EVL: variants seen among roughly 807,000 people sequenced by gnomAD.
EVL encodes ena/VASP-like protein.
A neutral mutation model predicts 59.6 loss-of-function variants in EVL; 21 were observed. That is an observed-to-expected ratio of 0.35 (90% CI 0.25 to 0.51). The LOEUF is 0.51. EVL is among the 20% of genes least tolerant of loss of function. EVL has a pLI of 0.97. For synonymous variants in EVL, 198 were observed against 203.5 expected, an observed-to-expected ratio of 0.97 and a Z score of 0.23; for missense variants, 462 against 546.6, an observed-to-expected ratio of 0.85 and a Z score of 1.54.
At chr14:100,040,203 G>C (rs2061447543) in intron 1 of EVL, among the ~76,000 whole-genome samples, 1 of 152,170 alleles carries the variant, frequency 6.6e-6, no homozygotes, top group African/African-American at 2.4e-5. Flanking sequence ...CCTTACTACA[G>C]ATTTTTACCA....
chr14:100,123,719 A>G (rs769070336), intron 4 of EVL, 117 bp downstream of exon 4: 8 of 1,039,550 alleles, frequency 7.7e-6, no homozygotes, highest in Non-Finnish European at 1.2e-5. Context: ...CTAGAGGCAT[A>G]CACTGCGGGA....
chr14:100,030,810 A>G (rs947175053), intron 1 of EVL, among the ~76,000 whole-genome samples: 12 of 152,142 alleles, frequency 7.9e-5, no homozygotes, highest in Non-Finnish European at 1.8e-4. Flanking sequence ...CCCACCACCA[A>G]GTGACCCCTG....
At chr14:100,005,927 C>T (rs947058446) in intron 1 of EVL, among the ~76,000 whole-genome samples, 2 of 149,878 alleles carry the variant, frequency 1.3e-5, no homozygotes, top group African/African-American at 4.9e-5. Context: ...GCATGGCTAG[C>T]AAAAAGGTGG....
At chr14:100,142,609 G>A (rs1163550803) in intron 13 of EVL, among the ~76,000 whole-genome samples, 4 of 152,234 alleles carry the variant, frequency 2.6e-5, no homozygotes, top group Non-Finnish European at 4.4e-5. Flanking sequence ...CAGGGGTGGA[G>A]GCTGATGGCA....
chr14:99,998,294 G>A (rs1367840503), intron 1 of EVL, among the ~76,000 whole-genome samples: 1 of 152,108 alleles, frequency 6.6e-6, no homozygotes, highest in Non-Finnish European at 1.5e-5. Context: ...TGGGATTACA[G>A]ACATGAGCCC....
chr14:100,022,846 GT>G (rs1373793524), intron 1 of EVL, among the ~76,000 whole-genome samples: 2 of 152,192 alleles, frequency 1.3e-5, no homozygotes, highest in Non-Finnish European at 2.9e-5. Flanking sequence ...CACGTGGGCT[GT>G]TTTGTGTGCT....
At chr14:100,110,706 C>G (rs1886916812) in intron 3 of EVL, among the ~76,000 whole-genome samples, 1 of 152,240 alleles carries the variant, frequency 6.6e-6, no homozygotes, top group South Asian at 2.1e-4. Context: ...AGCATCCCAC[C>G]TGCATCCTGC....
At chr14:99,985,131 C>CA (rs1358713510) in intron 1 of EVL, among the ~76,000 whole-genome samples, 5 of 148,628 alleles carry the variant, frequency 3.4e-5, no homozygotes, top group African/African-American at 9.9e-5. Flanking sequence ...TTTTGCTTGA[C>CA]AGATATATAT....
At chr14:100,107,511 G>A (rs866079695) in intron 3 of EVL, 50 of 390,946 alleles carry the variant, frequency 1.3e-4, no homozygotes, top group Non-Finnish European at 1.6e-4. Context: ...GCAGAACCAT[G>A]GCCACGCCCA....
chr14:100,123,261 C>G (rs1331812829), intron 3 of EVL, among the ~76,000 whole-genome samples: 1 of 152,018 alleles, frequency 6.6e-6, no homozygotes, highest in Non-Finnish European at 1.5e-5. Context: ...AGAGAGAAGG[C>G]GAGCAGGGTC....
intron 1 of EVL, among the ~76,000 whole-genome samples, chr14:100,039,967 A>T (rs1595603566): frequency 6.6e-6 from 1 of 152,262 alleles, no homozygotes; most frequent in East Asian, 1.9e-4. Context: ...TTTTGCAGAG[A>T]TGGAGTCTTG....
intron 3 of EVL, among the ~76,000 whole-genome samples, chr14:100,120,584 G>A (rs1224810495): frequency 6.6e-6 from 1 of 152,290 alleles, no homozygotes; most frequent in East Asian, 1.9e-4. Context: ...GGTGGAGACG[G>A]CAGGAAAAGG....
intron 4 of EVL, among the ~76,000 whole-genome samples, chr14:100,125,263 C>T (rs1392247756): frequency 7.1e-6 from 1 of 140,920 alleles, no homozygotes; most frequent in South Asian, 2.1e-4. Flanking sequence ...TACACACACA[C>T]ACACACACAC....
In EVL at chr14:100,101,443, G is replaced by A. The variant is rs117726435; in HGVS notation, c.358+3785G>A. On this transcript the variant is annotated intron_variant, in intron 3 of 13. Transcript: ENST00000392920. ...TACGGTGAGCTGAGATTGTGCCATT[G>A]CACTCCACTTTGGGCAACAAGAGCG... is the stretch of plus-strand genomic sequence containing the variant. Among the ~76,000 whole-genome samples the A allele has an allele frequency of 2.5e-3, 381 of 152,134 alleles. 10 individuals carry two copies. In the East Asian group the frequency reaches 0.043, roughly 17 times the overall value.
chr14:100,089,166 A>G (rs2062510762), intron 2 of EVL, among the ~76,000 whole-genome samples: 1 of 152,258 alleles, frequency 6.6e-6, no homozygotes, highest in South Asian at 2.1e-4. Flanking sequence ...TAAAGGGAGA[A>G]GAGACAAATT....
At chr14:100,067,336 G>C (rs1218340432) in intron 1 of EVL, among the ~76,000 whole-genome samples, 1 of 152,194 alleles carries the variant, frequency 6.6e-6, no homozygotes, top group African/African-American at 2.4e-5. Flanking sequence ...ACCAGCTCTA[G>C]CTCTGGCTAC....
At chr14:100,132,116 G>A (rs926432785) in intron 7 of EVL, among the ~76,000 whole-genome samples, 1 of 151,896 alleles carries the variant, frequency 6.6e-6, no homozygotes, top group Non-Finnish European at 1.5e-5. Context: ...AAAAATATGG[G>A]TGAGGTTTTA....
chr14:100,089,750 C>A (rs1207305843), intron 2 of EVL, among the ~76,000 whole-genome samples: 1 of 152,130 alleles, frequency 6.6e-6, no homozygotes, highest in Non-Finnish European at 1.5e-5. Flanking sequence ...AGTGGGACTC[C>A]AAAATCCACC....
intron 3 of EVL, among the ~76,000 whole-genome samples, chr14:100,099,583 T>C (rs998467670): frequency 6.6e-6 from 1 of 152,164 alleles, no homozygotes; most frequent in Non-Finnish European, 1.5e-5. Flanking sequence ...CATGGCAGTG[T>C]TGAGTGATGA....
Sources: gnomAD v4.1 joint callset for allele counts (sites outside exome capture counted in the v4.1 genomes callset) on GRCh38, gnomAD v4.1.1 for gene constraint, MANE v1.5 for transcripts, NCBI Gene and HGNC (gene_info 2026-07-23, HGNC 2026-07-21) for gene names.